The following RXRA variants were observed in gnomAD, a reference collection of about 807,000 sequenced individuals.
RXRA encodes the protein retinoic acid receptor RXR-alpha.
In RXRA, 5 loss-of-function variants were observed where a neutral mutation model predicts 44.5. The ratio of observed to expected loss-of-function variants is 0.11; its 90% confidence interval spans 0.06 to 0.24. The LOEUF (loss-of-function observed/expected upper bound fraction) is 0.24. Ranked by LOEUF, RXRA falls within the 10% of genes least tolerant of loss-of-function variation. RXRA has a pLI of 1.00. For missense variants in RXRA, 412 were observed against 646.5 expected, an observed-to-expected ratio of 0.64 and a Z score of 3.93; for synonymous variants, 291 against 271.4, an observed-to-expected ratio of 1.07 and a Z score of -0.71.
intron 1 of RXRA, among the ~76,000 whole-genome samples, chr9:134,376,335 G>A (rs540437678): frequency 2.6e-5 from 4 of 152,294 alleles, no homozygotes; most frequent in South Asian, 2.1e-4. Context: ...TGTGTGCCTC[G>A]TGCTCTGATC....
chr9:134,410,070 G>T (rs1216845379), intron 4 of RXRA, among the ~76,000 whole-genome samples: 1 of 152,232 alleles, frequency 6.6e-6, no homozygotes, highest in East Asian at 1.9e-4. Context: ...TGGTGCTGCA[G>T]TTTCATTTCA....
intron 4 of RXRA, among the ~76,000 whole-genome samples, chr9:134,414,864 A>G (rs993526984): frequency 1.4e-4 from 22 of 152,136 alleles, no homozygotes; most frequent in East Asian, 3.9e-4. Flanking sequence ...GGTCGGCTCT[A>G]TAGGCTCAGG....
rs1831488433 is a variant in RXRA at position 134,429,203 on chromosome 9, A to G, written c.1006A>G (p.Ser336Gly). 1 of 1,612,726 alleles carries G rather than the reference A, an allele frequency of 6.2e-7. No homozygotes were observed. The highest frequency in any genetic ancestry group is 1.7e-5 in the Admixed American group (1 of 60,000). ...LATGLHVHRN[S>G]AHSAGVGAIF... ...CACCGGGCTGCACGTCCACCGGAAC[A>G]GCGCCCACAGCGCAGGGGTGGGCGC... is the stretch of plus-strand genomic sequence containing the variant. Residue 336 changes from serine (S) to glycine (G), a missense_variant, in exon 7 of 10, where the codon AGC becomes GGC. Ser to Gly is a moderately conservative substitution (Grantham distance 56). Coordinates refer to ENST00000481739, the MANE Select transcript of RXRA (RefSeq NM_002957.6).
At chr9:134,352,198 TGATGA>T (rs1652804872) in intron 1 of RXRA, among the ~76,000 whole-genome samples, 1 of 151,922 alleles carries the variant, frequency 6.6e-6, no homozygotes, top group Non-Finnish European at 1.5e-5. Flanking sequence ...TGATGGTGCC[TGATGA>T]GATGAGGAAA....
At chr9:134,421,627 T>C in intron 5 of RXRA, 49 bp from the exon 6 acceptor site, 2 of 1,539,724 alleles carry the variant, frequency 1.3e-6, no homozygotes, top group South Asian at 1.2e-5. Context: ...GTTTGGTCAG[T>C]ACACTGGCTT....
intron 1 of RXRA, among the ~76,000 whole-genome samples, chr9:134,372,511 G>A (rs1029104574): frequency 6.6e-6 from 1 of 152,184 alleles, no homozygotes; most frequent in Non-Finnish European, 1.5e-5. Context: ...GTTATCACTG[G>A]GTTCCAGGCA....
rs1046581542 is a variant in RXRA, at chr9:134,426,522, C to T, written c.911-2586C>T. The T allele has an allele frequency of 9.1e-6, 9 of 985,338 alleles. No individual in the cohort carries two copies. Among genetic ancestry groups the T allele is most frequent in the Admixed American group, 6.1e-5 (1 of 16,274 alleles). 61.0% of individuals were successfully genotyped at this position (985,338 alleles called of 1,614,324 possible). The stretch of plus-strand genomic sequence containing the variant: ...TGCCGGAGGGTGCAGAGAGAGACTC[C>T]GCACTGTTCTGTCCGTGTGTCTGGG... On this transcript the variant is annotated intron_variant, in intron 6 of 9. Coordinates refer to ENST00000481739, the MANE Select transcript of RXRA (RefSeq NM_002957.6). The surrounding 1 kb of genome is among the most constrained non-coding windows in gnomAD (Gnocchi z 4.6).
At chr9:134,421,066 T>A (rs978250960) in intron 5 of RXRA, among the ~76,000 whole-genome samples, 8 of 152,354 alleles carry the variant, frequency 5.3e-5, no homozygotes, top group African/African-American at 1.4e-4. Context: ...CCTGCTCCAG[T>A]GCTGCCCATA....
rs79537181 is a variant in RXRA, at chr9:134,373,386, C to T, written c.29-28246C>T. Among the ~76,000 whole-genome samples the T allele has an allele frequency of 1.8e-3, 267 of 152,294 alleles. 1 individual carries two copies. Among genetic ancestry groups the T allele is most frequent in the African/African-American group, 6.1e-3 (255 of 41,558 alleles). On this transcript the variant is annotated intron_variant, in intron 1 of 9. Transcript: ENST00000481739. ...CAGCTCTGTGCCTGCTGCTGTGTGC[C>T]GGGCCCTGCGCTCAGCCCTTCTCGT...
In RXRA at chr9:134,436,598, C is replaced by T. The variant is rs780219731; in HGVS notation, c.1373C>T (p.Pro458Leu). Residue 458 changes from proline to leucine, a missense_variant, in exon 10 of 10, where the codon CCG becomes CTG. By Grantham distance (98) the Pro-to-Leu change is moderately conservative. Around this residue, in one of 4 missense-constraint regions of RXRA, gnomAD observed 141 missense variants for 270.8 expected, o/e 0.52. Transcript: ENST00000481739. ...DTFLMEMLEA[P>L]HQMT is the part of the protein sequence containing the mutation. The stretch of plus-strand genomic sequence containing the variant: ...TTCCTTATGGAGATGCTGGAGGCGC[C>T]GCACCAAATGACTTAGGCCTGCGGG... 1.9e-6 allele frequency: 3 copies of T among 1,613,956 alleles called. No individual in the cohort carries two copies. The highest frequency in any genetic ancestry group is 3.3e-5 in the Admixed American group (2 of 60,024).
intron 1 of RXRA, among the ~76,000 whole-genome samples, chr9:134,327,564 G>A (rs1834935788): frequency 6.6e-6 from 1 of 152,212 alleles, no homozygotes; most frequent in East Asian, 1.9e-4. Flanking sequence ...CAGGCTGTCA[G>A]GCCGGGTGAA....
In RXRA at chr9:134,379,551, C is replaced by G. The variant is rs1419236955; in HGVS notation, c.29-22081C>G. On this transcript the variant is annotated intron_variant, in intron 1 of 9. Transcript: ENST00000481739. ...TGGCCGTGGCCCAGGGTCTTGGTGG[C>G]TCGGCCTCATGGGGGGCTTGCTCCA... The G allele has an allele frequency of 3.0e-6, 3 of 985,776 alleles. No homozygotes were observed. The East Asian group carries it at 3.4e-4, about 112-fold the overall frequency. 61.1% of individuals were successfully genotyped at this position (985,776 alleles called of 1,614,324 possible).
In RXRA at chr9:134,401,828, C is replaced by T. The variant is rs1830965844; in HGVS notation, c.225C>T (p.His75=). ...FSVISSPMGP[H]SMSVPTTPTL... is the part of the protein sequence containing the mutation. ...TCATCAGCTCCCCCATGGGCCCCCA[C>T]TCCATGTCGGTGCCCACCACACCCA... The change falls in exon 2 of 10, where the codon CAC becomes CAT. Residue 75 remains histidine, a synonymous_variant. Transcript: ENST00000481739. 2 of 1,612,790 alleles carry T rather than the reference C, an allele frequency of 1.2e-6. No individual in the cohort carries two copies. The highest frequency in any genetic ancestry group is 1.1e-5 in the South Asian group (1 of 91,056).
At chr9:134,425,936 G>T (rs1316806010) in intron 6 of RXRA, 12 of 985,282 alleles carry the variant, frequency 1.2e-5, no homozygotes, top group African/African-American at 1.7e-5. Flanking sequence ...CAGGAACGTG[G>T]CTGAGCCAGG....
At chr9:134,422,822 G>C (rs895057946) in intron 6 of RXRA, 2 of 985,352 alleles carry the variant, frequency 2.0e-6, no homozygotes, top group African/African-American at 3.5e-5. Context: ...ATGGGCTGTC[G>C]GTGGAGGTTT....
At chr9:134,380,695 T>G (rs1316738912) in intron 1 of RXRA, among the ~76,000 whole-genome samples, 2 of 152,036 alleles carry the variant, frequency 1.3e-5, no homozygotes, top group Admixed American at 1.3e-4. Flanking sequence ...TTGTCCCAGC[T>G]CCTGGGCCAG....
intron 1 of RXRA, among the ~76,000 whole-genome samples, chr9:134,369,013 T>C (rs375860958): frequency 3.8e-5 from 1 of 26,496 alleles, no homozygotes. Context: ...TGTGTGTGTG[T>C]GGGGGGGGTT....
chr9:134,411,937 A>G (rs966117675), intron 4 of RXRA, among the ~76,000 whole-genome samples: 1 of 152,088 alleles, frequency 6.6e-6, no homozygotes, highest in Non-Finnish European at 1.5e-5. Flanking sequence ...GGTGCAGCCC[A>G]GGCACTCGCC....
chr9:134,425,004 C>T (rs974961290), intron 6 of RXRA: 22 of 985,418 alleles, frequency 2.2e-5, no homozygotes, highest in Middle Eastern at 5.2e-4. Flanking sequence ...TTCCGCTGGG[C>T]GACAGCAACG....
Sources: gnomAD v4.1 joint callset for allele counts (sites outside exome capture counted in the v4.1 genomes callset) on GRCh38, gnomAD v4.1.1 for gene constraint, gnomAD v4.1.1 regional missense constraint, Gnocchi (gnomAD v3.1) non-coding constraint, MANE v1.5 for transcripts, NCBI Gene and HGNC (gene_info 2026-07-23, HGNC 2026-07-21) for gene names.